Variants in MALRD1 observed in about 807,000 individuals in gnomAD.
MALRD1 encodes the protein MAM and LDL receptor class A domain containing 1.
MALRD1 carries 247 observed loss-of-function variants against 242.1 expected under a neutral mutation model. The observed-to-expected ratio is 1.02, with a 90% confidence interval of 0.92 to 1.13. The LOEUF is 1.13. Among genes scored for constraint, MALRD1 ranks in the 50% most tolerant of loss-of-function variants. The probability of loss-of-function intolerance (pLI) is 0.00; values close to 1 mark genes in which losing one functional copy is unlikely to be tolerated. For synonymous variants in MALRD1, 995 were observed against 866.6 expected (o/e 1.15, Z -2.60); for missense variants, 2,989 against 2,533.1 (o/e 1.18, Z -3.86).
chr10:19,487,663 G>A (rs561366412), intron 29 of MALRD1, among the ~76,000 whole-genome samples: 35 of 152,090 alleles, frequency 2.3e-4, no homozygotes, highest in Non-Finnish European at 4.4e-4. Flanking sequence ...CTTGCATATG[G>A]AAAAAATGTC....
chr10:19,382,854 A>G (rs1486165573), intron 26 of MALRD1, among the ~76,000 whole-genome samples: 1 of 152,122 alleles, frequency 6.6e-6, no homozygotes, highest in African/African-American at 2.4e-5. Context: ...CACTCCTGCT[A>G]CTCAGTGTTT....
At chr10:19,528,877 C>A (rs532195893) in intron 31 of MALRD1, among the ~76,000 whole-genome samples, 10 of 152,142 alleles carry the variant, frequency 6.6e-5, no homozygotes, top group African/African-American at 2.4e-4. Context: ...GGACAGCCAG[C>A]CAGACAGACA....
In MALRD1 at chr10:19,105,479, A is replaced by G. The variant is rs115043917; in HGVS notation, c.694+1404A>G. Among the ~76,000 whole-genome samples the G allele has an allele frequency of 1.6e-3, 238 of 152,096 alleles. 1 individual carries two copies. The highest frequency in any genetic ancestry group is 4.7e-3 in the African/African-American group (197 of 41,550). On this transcript the variant is annotated intron_variant, in intron 5 of 39. Coordinates refer to ENST00000454679, the MANE Select transcript of MALRD1 (RefSeq NM_001142308.3). ...TAAGTAGTTCTGCAGTAAACATGGG[A>G]ATGCAAAAATCTCTTTGACAGAGAT...
chr10:19,486,631 G>T (rs889802646), intron 29 of MALRD1, among the ~76,000 whole-genome samples: 2 of 152,092 alleles, frequency 1.3e-5, no homozygotes, highest in Non-Finnish European at 1.5e-5. Flanking sequence ...AAAAACAAAG[G>T]TACTTAGAAA....
chr10:19,705,849 G>T (rs929604391), intron 38 of MALRD1, among the ~76,000 whole-genome samples: 2 of 135,596 alleles, frequency 1.5e-5, no homozygotes, highest in Non-Finnish European at 3.1e-5. Flanking sequence ...AGGAAAGAAA[G>T]CATTTTTTTC....
chr10:19,458,728 C>A (rs1357966187), intron 29 of MALRD1, among the ~76,000 whole-genome samples: 1 of 152,032 alleles, frequency 6.6e-6, no homozygotes, highest in Non-Finnish European at 1.5e-5. Flanking sequence ...CAATTTTCAT[C>A]GTTACAGATT....
intron 19 of MALRD1, among the ~76,000 whole-genome samples, chr10:19,261,087 CA>C (rs1437831080): frequency 1.3e-5 from 2 of 151,914 alleles, no homozygotes; most frequent in South Asian, 2.1e-4. Context: ...CAGAAGAGAA[CA>C]AAAAAAGAAC....
chr10:19,459,547 CA>C (rs1011621373), intron 29 of MALRD1, among the ~76,000 whole-genome samples: 2 of 151,888 alleles, frequency 1.3e-5, no homozygotes, highest in African/African-American at 4.8e-5. Flanking sequence ...GGTCCAAGGC[CA>C]TTCTTTAAAC....
At chr10:19,303,011 G>A (rs1297484966) in intron 21 of MALRD1, among the ~76,000 whole-genome samples, 1 of 151,612 alleles carries the variant, frequency 6.6e-6, no homozygotes, top group Non-Finnish European at 1.5e-5. Context: ...AAATGGTAAG[G>A]TGGTAAAATT....
At chr10:19,085,632 A>T (rs1399573682) in intron 2 of MALRD1, among the ~76,000 whole-genome samples, 1 of 151,968 alleles carries the variant, frequency 6.6e-6, no homozygotes, top group Non-Finnish European at 1.5e-5. Context: ...GTGCCATAAC[A>T]CATACCAAAT....
intron 34 of MALRD1, among the ~76,000 whole-genome samples, chr10:19,600,181 C>G (rs1252243158): frequency 6.6e-6 from 1 of 152,094 alleles, no homozygotes; most frequent in Non-Finnish European, 1.5e-5. Flanking sequence ...AATATTTTTA[C>G]TATTGGCCTT....
At chr10:19,133,591 T>C (rs1197274510) in intron 8 of MALRD1, among the ~76,000 whole-genome samples, 1 of 152,210 alleles carries the variant, frequency 6.6e-6, no homozygotes, top group East Asian at 1.9e-4. Context: ...CAGTACTGTT[T>C]TTTTAAAAGA....
intron 36 of MALRD1, among the ~76,000 whole-genome samples, chr10:19,660,903 C>T (rs1207938778): frequency 6.6e-6 from 1 of 152,148 alleles, no homozygotes; most frequent in African/African-American, 2.4e-5. Context: ...ACTTCAGTTA[C>T]TTCAACATCA....
At chr10:19,652,997 C>T (rs1840966053) in intron 36 of MALRD1, among the ~76,000 whole-genome samples, 1 of 152,158 alleles carries the variant, frequency 6.6e-6, no homozygotes, top group Non-Finnish European at 1.5e-5. Flanking sequence ...ATCAGTATGT[C>T]TAAGATTGAA....
At chr10:19,085,693 A>G (rs980809480) in intron 2 of MALRD1, among the ~76,000 whole-genome samples, 1 of 151,962 alleles carries the variant, frequency 6.6e-6, no homozygotes, top group African/African-American at 2.4e-5. Flanking sequence ...TAATTTACTC[A>G]TGTGTGAGTT....
At chr10:19,300,324 C>A (rs965917976) in intron 21 of MALRD1, among the ~76,000 whole-genome samples, 2 of 151,896 alleles carry the variant, frequency 1.3e-5, no homozygotes, top group African/African-American at 4.8e-5. Context: ...CTATTTCTAT[C>A]AAATTGTCAA....
At chr10:19,430,693 CACTT>C in intron 28 of MALRD1, among the ~76,000 whole-genome samples, 1 of 152,262 alleles carries the variant, frequency 6.6e-6, no homozygotes, top group Non-Finnish European at 1.5e-5. Flanking sequence ...ACATAAAAGA[CACTT>C]AATATTAATT....
intron 26 of MALRD1, among the ~76,000 whole-genome samples, chr10:19,363,211 C>T (rs1844969136): frequency 1.3e-5 from 2 of 152,022 alleles, no homozygotes; most frequent in African/African-American, 4.8e-5. Flanking sequence ...AATGAATAGA[C>T]ATTTATTCCT....
At chr10:19,162,211 A>G (rs1265655969) in intron 12 of MALRD1, among the ~76,000 whole-genome samples, 1 of 152,238 alleles carries the variant, frequency 6.6e-6, no homozygotes, top group Non-Finnish European at 1.5e-5. Context: ...TTCCTCCAAA[A>G]GACTCAAAGG....
Sources: allele counts gnomAD v4.1 joint callset (sites outside exome capture counted in the v4.1 genomes callset), GRCh38; gene constraint gnomAD v4.1.1; transcripts MANE v1.5; gene names NCBI Gene and HGNC (gene_info 2026-07-23, HGNC 2026-07-21).